ZSCAN18: variants seen among roughly 807,000 people sequenced by gnomAD.
The protein encoded by ZSCAN18 is zinc finger and SCAN domain-containing protein 18.
In ZSCAN18, 16 loss-of-function variants were observed where a neutral mutation model predicts 31.1. That is an observed-to-expected ratio of 0.51 (90% CI 0.35 to 0.78). ZSCAN18 has a LOEUF of 0.78. Among genes scored for constraint, ZSCAN18 ranks in the 30% least tolerant of loss-of-function variants. ZSCAN18 has a pLI of 0.01. For synonymous variants in ZSCAN18, 375 were observed against 320.7 expected, an observed-to-expected ratio of 1.17 and a Z score of -1.81; for missense variants, 731 against 697.4, an observed-to-expected ratio of 1.05 and a Z score of -0.54.
At chr19:58,117,933 TG>T (rs1200766172) in intron 1 of ZSCAN18, among the ~76,000 whole-genome samples, 1 of 151,886 alleles carries the variant, frequency 6.6e-6, no homozygotes, top group African/African-American at 2.4e-5. Flanking sequence ...GAGAAGGGTA[TG>T]GGGGCCCACG....
At chr19:58,108,969 AC>A in intron 1 of ZSCAN18, 1 of 1,148,216 alleles carries the variant, frequency 8.7e-7, no homozygotes, top group Non-Finnish European at 1.1e-6. Context: ...TATGTATGTA[AC>A]TAAAATGTTT....
rs117263775 is a variant in ZSCAN18, at chr19:58,087,800, C to T, written c.554-396G>A. On this transcript the variant is annotated intron_variant, in intron 3 of 6. Transcript: ENST00000601144. ...GTAGCTGGGACTAAAAGTGCGGACC[C>T]GGCTAATTTTTGTATTTTTTGTAGA... 2.3e-3 allele frequency: 381 copies of T among 167,672 alleles called. 2 individuals carry two copies. The highest frequency in any genetic ancestry group is 3.6e-3 in the Non-Finnish European group (279 of 76,770). 10.4% of individuals were successfully genotyped at this position (167,672 alleles called of 1,614,324 possible).
intron 1 of ZSCAN18, among the ~76,000 whole-genome samples, chr19:58,111,499 C>T (rs186738299): frequency 9.2e-5 from 14 of 152,098 alleles, no homozygotes; most frequent in Admixed American, 9.2e-4. Context: ...GTATGCACCA[C>T]CATGTGCAGC....
At chr19:58,100,638 G>A (rs1419449445), upstream of ZSCAN18, among the ~76,000 whole-genome samples, 1 of 152,010 alleles carries the variant, frequency 6.6e-6, no homozygotes, top group African/African-American at 2.4e-5. Context: ...GGCCAGGCGC[G>A]GTGGCTCATG....
At chr19:58,110,807 G>A (rs1351021580) in intron 1 of ZSCAN18, among the ~76,000 whole-genome samples, 2 of 152,178 alleles carry the variant, frequency 1.3e-5, no homozygotes, top group African/African-American at 4.8e-5. Context: ...GTCTTTAGAT[G>A]TATTTTCATG....
intron 1 of ZSCAN18, among the ~76,000 whole-genome samples, chr19:58,105,517 C>T (rs1009602968): frequency 5.3e-5 from 8 of 151,934 alleles, no homozygotes; most frequent in Non-Finnish European, 1.0e-4. Context: ...AAAAATTAGC[C>T]GGGCGTGGTG....
In ZSCAN18 at chr19:58,118,370, G is replaced by A. The variant is rs954221906; in HGVS notation, c.27C>T (p.Asp9=). 4.0e-5 allele frequency: 61 copies of A among 1,533,206 alleles called. No homozygotes were observed. In the East Asian group the frequency reaches 1.2e-3, roughly 31 times the overall value. 95.0% of individuals were successfully genotyped at this position (1,533,206 alleles called of 1,614,324 possible). A position where few individuals can be genotyped will look rare whatever the true frequency, so the allele number is the denominator to read the frequency against. Residue 9 remains aspartate (D), a synonymous_variant, in exon 1 of 2, where the codon GAC becomes GAT. Coordinates refer to the ZSCAN18 transcript ENST00000595721. ...CACTTCCCGCCGCCGTAGCGTCCTCGTCAGCTCGCCCTCCGACTCTCCGCA... is the reference window on the plus strand; with the variant it reads ...CACTTCCCGCCGCCGTAGCGTCCTCATCAGCTCGCCCTCCGACTCTCCGCA...
chr19:58,085,558 G>T (rs295350), intron 6 of ZSCAN18, 179 bp from the exon 7 acceptor site: 7 of 574,640 alleles, frequency 1.2e-5, no homozygotes, highest in Non-Finnish European at 2.1e-5. Flanking sequence ...CGCATGCCCC[G>T]CGCCTGCTGC....
intron 1 of ZSCAN18, among the ~76,000 whole-genome samples, chr19:58,091,265 CA>C (rs5828749): frequency 0.57 from 65,611 of 115,734 alleles, 16,010 homozygotes; most frequent in East Asian, 0.64. Context: ...GACTCTGTCT[CA>C]AAAAAAAAAA....
chr19:58,085,009 G>C lies in ZSCAN18; in HGVS notation c.1209C>G (p.Asp403Glu). The C allele has an allele frequency of 1.3e-6, 2 of 1,591,878 alleles. No individual in the cohort carries two copies. The highest frequency in any genetic ancestry group is 1.7e-6 in the Non-Finnish European group (2 of 1,169,564). Residue 403 changes from aspartate (D) to glutamate (E), a missense_variant, in exon 7 of 7, where the codon GAC becomes GAG. Physicochemically the swap from Asp to Glu is conservative, Grantham distance 45. Coordinates refer to ENST00000601144, the MANE Select transcript of ZSCAN18 (RefSeq NM_001145543.2). ...GCTTCCCGCGGGACAAGCCCGGCTC[G>C]TCAGCCCCAGGGCCCTGCCCGGCCT... ...GLEAGQGPGA[D>E]EPGLSRGKPY...
chr19:58,112,963 A>AAAAAAAG, intron 1 of ZSCAN18, among the ~76,000 whole-genome samples: 1 of 150,526 alleles, frequency 6.6e-6, no homozygotes, highest in South Asian at 2.1e-4. Flanking sequence ...AAAAAAAAAA[A>AAAAAAAG]AAAAAAGAAT....
At position 58,088,750 on chromosome 19, in the gene ZSCAN18, C is replaced by G. The variant is rs1483646653; in HGVS notation, c.491G>C (p.Gly164Ala). ...ERHMDPLLLPGELASPSQALG... is the reference protein window; with the variant it reads ...ERHMDPLLLPAELASPSQALG... ...GGCCTGGCTGGGGCTCGCGAGCTCG[C>G]CTGGTAGCAGCAGAGGGTCCATGTG... The change falls in exon 3 of 7, where the codon GGC becomes GCC. Residue 164 changes from glycine (G) to alanine (A), a missense_variant. Transcript: ENST00000601144. The G allele has an allele frequency of 6.2e-7, 1 of 1,608,912 alleles. No homozygotes were observed.
chr19:58,108,172 T>C, intron 1 of ZSCAN18: 5 of 986,332 alleles, frequency 5.1e-6, no homozygotes, highest in Non-Finnish European at 6.0e-6. Flanking sequence ...TCCATACACA[T>C]ATAGGGTCTC....
chr19:58,101,546 G>T (rs920841277), upstream of ZSCAN18, among the ~76,000 whole-genome samples: 3 of 142,334 alleles, frequency 2.1e-5, no homozygotes, highest in African/African-American at 7.9e-5. Context: ...TTGAGACAGA[G>T]TCTTGCTCTG....
intron 1 of ZSCAN18, chr19:58,107,509 T>G: frequency 3.4e-6 from 1 of 290,272 alleles, no homozygotes; most frequent in Non-Finnish European, 5.1e-6. Context: ...TGCAGGGAGC[T>G]GAGATCACAC....
Position 58,087,329 on chromosome 19 carries a change from G to A in ZSCAN18, c.629C>T (p.Ala210Val), listed in dbSNP as rs774396930. 3 of 1,606,184 alleles carry A rather than the reference G, an allele frequency of 1.9e-6. No homozygotes were observed. Among genetic ancestry groups the A allele is most frequent in the Non-Finnish European group, 2.6e-6 (3 of 1,176,360 alleles). ...REAKTEEDGPANTEQKLKSFP... is the reference protein window; with the variant it reads ...REAKTEEDGPVNTEQKLKSFP... Reference sequence around the variant, plus strand: ...GTGCCCACCCACCTGCTCGGTGTTGGCAGGGCCGTCCTCTTCGGTCTTTGC... The same window carrying A: ...GTGCCCACCCACCTGCTCGGTGTTGACAGGGCCGTCCTCTTCGGTCTTTGC... The change falls in exon 4 of 7, where the codon GCC (alanine) becomes GTC (valine). Residue 210 changes from alanine to valine, a missense_variant. By Grantham distance (64) the Ala-to-Val change is moderately conservative. Coordinates refer to ENST00000601144, the MANE Select transcript of ZSCAN18 (RefSeq NM_001145543.2).
intron 2 of ZSCAN18, among the ~76,000 whole-genome samples, chr19:58,089,278 G>A (rs1199373988): frequency 9.3e-6 from 1 of 107,644 alleles, no homozygotes; most frequent in Non-Finnish European, 1.7e-5. Flanking sequence ...ACTCCAGCCT[G>A]GGCGACAGAG....
upstream of ZSCAN18, among the ~76,000 whole-genome samples, chr19:58,099,962 A>ATTTTTTTT (rs748690700): frequency 3.4e-5 from 2 of 59,462 alleles, no homozygotes; most frequent in Non-Finnish European, 9.8e-5. Flanking sequence ...TTTGAAAGCT[A>ATTTTTTTT]TGTTTTTTTT....
chr19:58,092,018 G>GGGTGT (rs2074422401), intron 1 of ZSCAN18, among the ~76,000 whole-genome samples: 1 of 152,182 alleles, frequency 6.6e-6, no homozygotes, highest in Non-Finnish European at 1.5e-5. Flanking sequence ...CTGTGGGGTG[G>GGGTGT]GGTGTGGTGT....
Sources: allele counts gnomAD v4.1 joint callset (sites outside exome capture counted in the v4.1 genomes callset), GRCh38; gene constraint gnomAD v4.1.1; transcripts MANE v1.5; gene names NCBI Gene and HGNC (gene_info 2026-07-23, HGNC 2026-07-21).